Variants in MAMSTR observed in about 807,000 individuals in gnomAD.
The protein encoded by MAMSTR is MEF2-activating motif and SAP domain-containing transcriptional regulator.
Under a neutral mutation model 42.7 loss-of-function variants are expected in MAMSTR, and 41 were observed. That is an observed-to-expected ratio of 0.96 (90% confidence interval 0.75 to 1.25). The LOEUF is 1.25. MAMSTR is among the 50% of genes most tolerant of loss of function. The probability of loss-of-function intolerance (pLI) is 0.00; values close to 1 mark genes in which losing one functional copy is unlikely to be tolerated. For missense variants in MAMSTR, 567 were observed against 557.6 expected (o/e 1.02, Z -0.17); for synonymous variants, 265 against 244.1 (o/e 1.09, Z -0.80).
downstream of MAMSTR, among the ~76,000 whole-genome samples, chr19:48,711,947 C>T (rs112835916): frequency 6.9e-5 from 1 of 14,476 alleles, no homozygotes; most frequent in Non-Finnish European, 6.9e-4. Flanking sequence ...AGGGTTTCAC[C>T]GGGTTTCACC....
In MAMSTR at chr19:48,714,400, G is replaced by C; in HGVS notation, c.689C>G (p.Pro230Arg). Residue 230 changes from proline to arginine, a missense_variant, in exon 7 of 10, where the codon CCC (proline) becomes CGC (arginine). Transcript: ENST00000318083. ...PAGAPWPRLK[P>R]KALAAARRQG... The stretch of plus-strand genomic sequence containing the variant: ...ACGCCGGGCGGCTGCCAGGGCCTTG[G>C]GCTTGAGGCGCGGCCAGGGAGCACC... 4.3e-6 allele frequency: 6 copies of C among 1,390,564 alleles called. No individual in the cohort carries two copies. The highest frequency in any genetic ancestry group is 5.5e-6 in the Non-Finnish European group (6 of 1,081,916). The allele number at this position is 1,390,564 out of a possible 1,614,324, so 86.1% of individuals were successfully genotyped here.
intron 7 of MAMSTR, 133 bp downstream of exon 7, chr19:48,714,233 C>T (rs2032875829): frequency 2.0e-6 from 2 of 987,618 alleles, no homozygotes; most frequent in African/African-American, 1.7e-5. Context: ...GTCTGAACCA[C>T]GTCCCCTCGC....
At chr19:48,716,622 G>C (rs2033047424) in intron 3 of MAMSTR, 83 bp downstream of exon 3, 2 of 1,283,408 alleles carry the variant, frequency 1.6e-6, no homozygotes, top group Non-Finnish European at 2.0e-6. Context: ...GAACCAATGA[G>C]GGGTATCTGG....
In MAMSTR at chr19:48,716,757, A is replaced by G; in HGVS notation, c.59-14T>C. On this transcript the variant is annotated splice_polypyrimidine_tract_variant and intron_variant, in intron 2 of 9. Transcript: ENST00000318083. ...GAAGCTGGAGGACTGTGGAGGGAGG[A>G]GGGAGGTGGGAGGAGGAAGGCGGGA... 7.7e-7 allele frequency: 1 copy of G among 1,299,086 alleles called. No homozygotes were observed. The highest frequency in any genetic ancestry group is 2.6e-5 in the South Asian group (1 of 39,088). 80.5% of individuals were successfully genotyped at this position (1,299,086 alleles called of 1,614,324 possible). A position where few individuals can be genotyped will look rare whatever the true frequency, so the allele number is the denominator to read the frequency against.
Position 48,713,900 on chromosome 19 carries a change from G to C in MAMSTR, c.869C>G (p.Thr290Ser), listed in dbSNP as rs1289991031. The C allele has an allele frequency of 6.2e-7, 1 of 1,611,990 alleles. No homozygotes were observed. Among genetic ancestry groups the C allele is most frequent in the Non-Finnish European group, 8.5e-7 (1 of 1,178,600 alleles). The change falls in exon 8 of 10, where the codon ACT (threonine) becomes AGT (serine). Residue 290 changes from threonine to serine, a missense_variant. By Grantham distance (58) the Thr-to-Ser change is moderately conservative. Coordinates refer to ENST00000318083, the MANE Select transcript of MAMSTR (RefSeq NM_001130915.2). Reference protein sequence around the residue: ...PSSGPGSAALTLEEELQEAIR... With the variant: ...PSSGPGSAALSLEEELQEAIR... ...CGCTTCCTGCAGCTCCTCCTCCAGA[G>C]TCAGAGCCGCTGAGCCCGGCCCTGA...
downstream of MAMSTR, among the ~76,000 whole-genome samples, chr19:48,709,912 C>T (rs926335421): frequency 1.3e-5 from 2 of 152,154 alleles, no homozygotes; most frequent in African/African-American, 4.8e-5. Flanking sequence ...CTCTTTCGCC[C>T]AGGCTGGAGT....
chr19:48,709,792 C>G (rs965176063), downstream of MAMSTR, among the ~76,000 whole-genome samples: 1 of 152,210 alleles, frequency 6.6e-6, no homozygotes, highest in African/African-American at 2.4e-5. Flanking sequence ...TGCTCCAGAG[C>G]CTGCTGAAAT....
Position 48,713,738 on chromosome 19 carries a change from C to T in MAMSTR, c.942G>A (p.Leu314=), listed in dbSNP as rs776354357. ...LLPNRGIDDI[L]EDQVEPDDPL... ...TACCATCAGGCTCCACCTGATCCTC[C>T]AGGATGTCATCGATGCCCCGGTTAG... Residue 314 remains leucine (L), a synonymous_variant, in exon 9 of 10, where the codon CTG becomes CTA. Transcript: ENST00000318083. The T allele has an allele frequency of 1.2e-6, 2 of 1,614,080 alleles. No individual in the cohort carries two copies. Among genetic ancestry groups the T allele is most frequent in the East Asian group, 4.5e-5 (2 of 44,894 alleles).
rs1303015481 is a variant in MAMSTR, at chr19:48,714,085, C to T, written c.724-40G>A. On this transcript the variant is annotated intron_variant, in intron 7 of 9. Transcript: ENST00000318083. The stretch of plus-strand genomic sequence containing the variant: ...AGGGCGAGCGCCCATAAGCCATGCC[C>T]ACAGGGCGCAACCCCACCCACTCGC... 8.5e-6 allele frequency: 13 copies of T among 1,521,176 alleles called. No homozygotes were observed. In the South Asian group the frequency reaches 1.6e-4, roughly 18 times the overall value. The allele number at this position is 1,521,176 out of a possible 1,614,324, so 94.2% of individuals were successfully genotyped here.
downstream of MAMSTR, among the ~76,000 whole-genome samples, chr19:48,711,664 C>T (rs1471932212): frequency 6.6e-6 from 1 of 151,078 alleles, no homozygotes; most frequent in Non-Finnish European, 1.5e-5. Context: ...CCTCCACCTC[C>T]TGGTTTCAAG....
intron 7 of MAMSTR, 103 bp from the exon 8 acceptor site, chr19:48,714,148 T>C: frequency 1.5e-6 from 2 of 1,297,834 alleles, no homozygotes; most frequent in Non-Finnish European, 1.0e-6. Context: ...TCGCGACCCC[T>C]CGCTCATCAA....
chr19:48,715,934 G>C lies in MAMSTR; in HGVS notation c.98-167C>G, dbSNP rs79113474. 3.0e-5 allele frequency: 43 copies of C among 1,410,716 alleles called. No individual in the cohort carries two copies. In the African/African-American group the frequency reaches 6.2e-4, roughly 20 times the overall value. 87.4% of individuals were successfully genotyped at this position (1,410,716 alleles called of 1,614,324 possible). A position where few individuals can be genotyped will look rare whatever the true frequency, so the allele number is the denominator to read the frequency against. ...GAACTGGATCTGAGGGCGGAGGTGT[G>C]GGGGGGCTCCGGTTGCTACATTCTC... On this transcript the variant is annotated intron_variant, in intron 3 of 9. Transcript: ENST00000318083.
chr19:48,719,010 G>C lies in MAMSTR; in HGVS notation c.22C>G (p.Gln8Glu). The C allele has an allele frequency of 6.4e-7, 1 of 1,551,450 alleles. No homozygotes were observed. The highest frequency in any genetic ancestry group is 1.2e-5 in the South Asian group (1 of 84,044). The change falls in exon 2 of 10, where the codon CAG becomes GAG. Residue 8 changes from glutamine (Q) to glutamate (E), a missense_variant. By Grantham distance (29) the Gln-to-Glu change is conservative. Coordinates refer to ENST00000318083, the MANE Select transcript of MAMSTR (RefSeq NM_001130915.2). The surrounding 1 kb of genome is among the most constrained non-coding windows in gnomAD (Gnocchi z 4.4). MTLAASS[Q>E]RSQIIRSKFR... ...TTGGAGCGAATGATTTGGGAACGCTGGGAGGAAGCCGCCAGGGTCATTGCC... is the reference window on the plus strand; with the variant it reads ...TTGGAGCGAATGATTTGGGAACGCTCGGAGGAAGCCGCCAGGGTCATTGCC...
In MAMSTR at chr19:48,715,711, G is replaced by A. The variant is rs1173873470; in HGVS notation, c.154C>T (p.Pro52Ser). 6 of 1,539,904 alleles carry A rather than the reference G, an allele frequency of 3.9e-6. No homozygotes were observed. The highest frequency in any genetic ancestry group is 5.2e-6 in the Non-Finnish European group (6 of 1,144,252). The stretch of plus-strand genomic sequence containing the variant: ...AAGAGGAAAGGGGCCGTGCCCGAGG[G>A]CAAGGCCGGGGCCAGAGGAGGGTCT... Reference protein sequence around the residue: ...ASDPPLAPALPSGTAPFLFSP... With the variant: ...ASDPPLAPALSSGTAPFLFSP... The change falls in exon 4 of 10, where the codon CCC (proline) becomes TCC (serine). Residue 52 changes from proline to serine, a missense_variant. Coordinates refer to ENST00000318083, the MANE Select transcript of MAMSTR (RefSeq NM_001130915.2).
At position 48,713,953 on chromosome 19, in the gene MAMSTR, AGGAGCCGGAGTGGGAGTT is replaced by A; in HGVS notation, c.798_815del (p.Thr267_Pro272del). ...AAGGGGTCAGGGCTGGAGCTGCAGC[AGGAGCCGGAGTGGGAGTT>A]GGAGCCGGAGCCGTCCCCGGGGTAT... is the stretch of plus-strand genomic sequence containing the variant. On this transcript the variant is annotated inframe_deletion, in exon 8 of 10. Coordinates refer to ENST00000318083, the MANE Select transcript of MAMSTR (RefSeq NM_001130915.2). 7 of 1,613,532 alleles carry A rather than the reference AGGAGCCGGAGTGGGAGTT, an allele frequency of 4.3e-6. No individual in the cohort carries two copies. Among genetic ancestry groups the A allele is most frequent in the Non-Finnish European group, 5.9e-6 (7 of 1,179,790 alleles).
rs143605694 is a variant in MAMSTR at position 48,719,152 on chromosome 19, C to T, written c.-21-100G>A. ...GAGTGAATTCAGCAGGGAAAGGGCC[C>T]GAAGGAGGTGGGAATAGGAGCAGCC... On this transcript the variant is annotated intron_variant, in intron 1 of 9. Transcript: ENST00000318083. This position sits in a 1 kb window ranked among gnomAD's most constrained non-coding sequence, Gnocchi z 4.4. The T allele has an allele frequency of 2.6e-3, 2,100 of 818,620 alleles. 21 individuals carry two copies. The African/African-American group carries it at 0.027, about 11-fold the overall frequency. 50.7% of individuals were successfully genotyped at this position (818,620 alleles called of 1,614,324 possible). A position where few individuals can be genotyped will look rare whatever the true frequency, so the allele number is the denominator to read the frequency against.
rs2032839463 is a variant in MAMSTR at position 48,713,846 on chromosome 19, CCA to C, written c.909+12_909+13del. On this transcript the variant is annotated intron_variant, in intron 8 of 9. Coordinates refer to ENST00000318083, the MANE Select transcript of MAMSTR (RefSeq NM_001130915.2). ...CTGGAGAACCCTAGCCGGATTCAAC[CCA>C]CACCCTCTTACCTGCGCCCTCCGGA... is the stretch of plus-strand genomic sequence containing the variant. 6.2e-7 allele frequency: 1 copy of C among 1,614,010 alleles called. No homozygotes were observed. Among genetic ancestry groups the C allele is most frequent in the South Asian group, 1.1e-5 (1 of 91,088 alleles).
At chr19:48,706,308 A>G in the MAMSTR span, among the ~76,000 whole-genome samples, 1 of 128,110 alleles carries the variant, frequency 7.8e-6, no homozygotes, top group Non-Finnish European at 1.7e-5. Flanking sequence ...AAAAATTCTT[A>G]AGAGTAGATG....
chr19:48,715,153 A>C, intron 5 of MAMSTR, 109 bp downstream of exon 5: 1 of 941,886 alleles, frequency 1.1e-6, no homozygotes, highest in African/African-American at 1.7e-5. Flanking sequence ...CCCTGGGAGA[A>C]GAGAGGGTTG....
Sources: gnomAD v4.1 joint callset for allele counts (sites outside exome capture counted in the v4.1 genomes callset) on GRCh38, gnomAD v4.1.1 for gene constraint, Gnocchi (gnomAD v3.1) non-coding constraint, MANE v1.5 for transcripts, NCBI Gene and HGNC (gene_info 2026-07-23, HGNC 2026-07-21) for gene names.